Variants in ST6GALNAC3 observed in about 807,000 individuals in gnomAD.
The protein encoded by ST6GALNAC3 is ST6 N-acetylgalactosaminide alpha-2,6-sialyltransferase 3.
Under a neutral mutation model 32.7 loss-of-function variants are expected in ST6GALNAC3, and 25 were observed. That is an observed-to-expected ratio of 0.76 (90% CI 0.56 to 1.07). ST6GALNAC3 has a LOEUF of 1.07. Among genes scored for constraint, ST6GALNAC3 ranks in the 50% least tolerant of loss-of-function variants. ST6GALNAC3 has a pLI of 0.00. For missense variants in ST6GALNAC3, 355 were observed against 382.4 expected, an observed-to-expected ratio of 0.93 and a Z score of 0.60; for synonymous variants, 129 against 133.1, an observed-to-expected ratio of 0.97 and a Z score of 0.21.
chr1:76,314,409 C>T (rs1320875699), intron 2 of ST6GALNAC3, among the ~76,000 whole-genome samples: 1 of 152,080 alleles, frequency 6.6e-6, no homozygotes. Flanking sequence ...CCTTAAAACT[C>T]TGTAATCCTT....
intron 1 of ST6GALNAC3, among the ~76,000 whole-genome samples, chr1:76,077,090 T>A (rs1022890250): frequency 2.0e-5 from 3 of 152,202 alleles, no homozygotes; most frequent in South Asian, 4.1e-4. Context: ...CATGGAGCAG[T>A]GCAGAATACA....
intron 1 of ST6GALNAC3, among the ~76,000 whole-genome samples, chr1:76,282,063 A>G (rs527593054): frequency 5.3e-5 from 8 of 152,290 alleles, no homozygotes; most frequent in African/African-American, 1.4e-4. Flanking sequence ...GTCATCTAAA[A>G]TGATTAGAAA....
chr1:76,243,214 GCTT>G (rs1264121146), intron 1 of ST6GALNAC3, among the ~76,000 whole-genome samples: 1 of 152,152 alleles, frequency 6.6e-6, no homozygotes, highest in East Asian at 1.9e-4. Context: ...ATGATAATGA[GCTT>G]TTTTTCATAT....
chr1:76,186,118 A>T (rs1172101196), intron 1 of ST6GALNAC3, among the ~76,000 whole-genome samples: 1 of 152,064 alleles, frequency 6.6e-6, no homozygotes, highest in Non-Finnish European at 1.5e-5. Flanking sequence ...CATGGTTCAG[A>T]ATTTAGCTCA....
intron 3 of ST6GALNAC3, among the ~76,000 whole-genome samples, chr1:76,467,199 C>A (rs2101615504): frequency 6.6e-6 from 1 of 152,074 alleles, no homozygotes; most frequent in South Asian, 2.1e-4. Context: ...TTAATGTTGG[C>A]ACTTGGAGTA....
intron 1 of ST6GALNAC3, among the ~76,000 whole-genome samples, chr1:76,100,367 C>G (rs925039306): frequency 2.0e-5 from 3 of 152,130 alleles, no homozygotes; most frequent in African/African-American, 4.8e-5. Context: ...AATTTCCCTT[C>G]TATTCCTCCT....
At chr1:76,333,197 C>T (rs938125387) in intron 2 of ST6GALNAC3, among the ~76,000 whole-genome samples, 2 of 152,130 alleles carry the variant, frequency 1.3e-5, no homozygotes, top group South Asian at 2.1e-4. Flanking sequence ...ATGTGGTTCT[C>T]CTCAATTGTG....
intron 1 of ST6GALNAC3, among the ~76,000 whole-genome samples, chr1:76,147,234 T>G (rs1435225739): frequency 6.6e-6 from 1 of 151,978 alleles, no homozygotes; most frequent in African/African-American, 2.4e-5. Flanking sequence ...AGCTAATTTT[T>G]GTATTTTTAG....
intron 2 of ST6GALNAC3, among the ~76,000 whole-genome samples, chr1:76,336,213 G>A (rs546938191): frequency 6.6e-6 from 1 of 152,318 alleles, no homozygotes; most frequent in South Asian, 2.1e-4. Context: ...AGGAAAGCAA[G>A]TTAGAGTTCA....
intron 3 of ST6GALNAC3, among the ~76,000 whole-genome samples, chr1:76,531,044 A>G (rs1465554151): frequency 6.6e-6 from 1 of 152,174 alleles, no homozygotes; most frequent in African/African-American, 2.4e-5. Flanking sequence ...AGTTGTTTAG[A>G]TAGAGAAAGT....
intron 1 of ST6GALNAC3, among the ~76,000 whole-genome samples, chr1:76,206,445 T>A (rs1319515184): frequency 1.3e-5 from 2 of 152,178 alleles, no homozygotes; most frequent in African/African-American, 2.4e-5. Flanking sequence ...TCCACATCTT[T>A]CAGAGATGTG....
At chr1:76,103,674 G>A (rs562060895) in intron 1 of ST6GALNAC3, among the ~76,000 whole-genome samples, 1 of 152,218 alleles carries the variant, frequency 6.6e-6, no homozygotes, top group Admixed American at 6.5e-5. Context: ...TCCCTCCAAA[G>A]GCTCTAGGGA....
intron 1 of ST6GALNAC3, among the ~76,000 whole-genome samples, chr1:76,184,282 T>G (rs1383842894): frequency 6.6e-6 from 1 of 152,146 alleles, no homozygotes; most frequent in Non-Finnish European, 1.5e-5. Flanking sequence ...CTCACGCCTG[T>G]AATCCCAGCA....
intron 2 of ST6GALNAC3, among the ~76,000 whole-genome samples, chr1:76,327,275 CGT>C (rs3079480): frequency 0.28 from 38,338 of 138,348 alleles, 5,014 homozygotes; most frequent in Non-Finnish European, 0.35. Flanking sequence ...TGTATATATG[CGT>C]GTGTGTGTGT....
At chr1:76,581,272 A>T (rs2100547038) in intron 3 of ST6GALNAC3, among the ~76,000 whole-genome samples, 1 of 152,224 alleles carries the variant, frequency 6.6e-6, no homozygotes, top group East Asian at 1.9e-4. Context: ...TTACTAAGGA[A>T]TGTTGATTTT....
intron 3 of ST6GALNAC3, among the ~76,000 whole-genome samples, chr1:76,450,070 C>A (rs534090777): frequency 6.6e-6 from 1 of 152,260 alleles, no homozygotes; most frequent in Admixed American, 6.5e-5. Flanking sequence ...ATAATGACTT[C>A]TTTTCCTCTG....
chr1:76,455,416 G>T (rs1433028875), intron 3 of ST6GALNAC3, among the ~76,000 whole-genome samples: 1 of 152,108 alleles, frequency 6.6e-6, no homozygotes, highest in East Asian at 1.9e-4. Context: ...CTGTAGCTTG[G>T]TCTTGCTGAG....
chr1:76,254,145 A>G (rs1024091973), intron 1 of ST6GALNAC3, among the ~76,000 whole-genome samples: 28 of 152,294 alleles, frequency 1.8e-4, no homozygotes, highest in African/African-American at 6.3e-4. Context: ...CCTTGAAACC[A>G]TAAAATGCTA....
intron 3 of ST6GALNAC3, among the ~76,000 whole-genome samples, chr1:76,432,443 C>CTTTTTTT (rs35527607): frequency 3.5e-5 from 2 of 57,188 alleles, no homozygotes; most frequent in African/African-American, 7.0e-5. Context: ...CCTTTATTGC[C>CTTTTTTT]TTTTTTTTTT....
Sources: allele counts gnomAD v4.1 joint callset (sites outside exome capture counted in the v4.1 genomes callset), GRCh38; gene constraint gnomAD v4.1.1; transcripts MANE v1.5; gene names NCBI Gene and HGNC (gene_info 2026-07-23, HGNC 2026-07-21).